Variants in ART3 observed in about 807,000 individuals in gnomAD.
ART3 encodes the protein ADP-ribosyltransferase 3 (inactive), also known as ecto-ADP-ribosyltransferase 3.
In ART3, 49 loss-of-function variants were observed where a neutral mutation model predicts 48.5. The observed-to-expected ratio is 1.01, with a 90% CI of 0.80 to 1.28. The LOEUF (loss-of-function observed/expected upper bound fraction) is 1.28, where lower values mean the gene tolerates loss of function less well. Ranked by LOEUF, ART3 falls within the 50% of genes most tolerant of loss-of-function variation. The pLI is 0.00. For synonymous variants in ART3, 145 were observed against 157.2 expected, an observed-to-expected ratio of 0.92 and a Z score of 0.58; for missense variants, 438 against 454.3, an observed-to-expected ratio of 0.96 and a Z score of 0.33.
At chr4:76,025,474 A>G (rs1017332987) in intron 1 of ART3, among the ~76,000 whole-genome samples, 3 of 152,208 alleles carry the variant, frequency 2.0e-5, no homozygotes, top group Admixed American at 2.0e-4. Context: ...GATTTTTACT[A>G]AACATTGTAT....
intron 3 of ART3, among the ~76,000 whole-genome samples, chr4:76,090,449 T>A (rs1724621163): frequency 6.6e-6 from 1 of 152,234 alleles, no homozygotes. Context: ...GACGTAGCCT[T>A]GTTGCCAGAG....
At chr4:76,065,485 T>C (rs941492015) in intron 1 of ART3, among the ~76,000 whole-genome samples, 1 of 151,342 alleles carries the variant, frequency 6.6e-6, no homozygotes, top group East Asian at 1.9e-4. Flanking sequence ...TTTTTCTCAT[T>C]AATGGTATAA....
At chr4:76,041,402 A>C (rs1175606237) in intron 1 of ART3, 1 of 152,108 alleles carries the variant, frequency 6.6e-6, no homozygotes, top group East Asian at 1.9e-4. Context: ...CCTTCGTTTA[A>C]GTCTTGATGT....
chr4:76,112,272 A>G, intron 11 of ART3, 114 bp from the exon 12 acceptor site: 3 of 1,288,350 alleles, frequency 2.3e-6, no homozygotes, highest in African/African-American at 1.5e-5. Context: ...TATTTCAGGT[A>G]AGTTTCTACT....
intron 1 of ART3, among the ~76,000 whole-genome samples, chr4:76,033,306 T>C (rs1734044175): frequency 6.6e-6 from 1 of 152,232 alleles, no homozygotes; most frequent in South Asian, 2.1e-4. Context: ...AAGACTTTCA[T>C]TGTTTCTCCT....
At chr4:76,022,473 G>A in intron 1 of ART3, 1 of 1,602,342 alleles carries the variant, frequency 6.2e-7, no homozygotes, top group Non-Finnish European at 8.5e-7. Context: ...AATAAATAGG[G>A]ATGAAAATAT....
At chr4:76,111,152 G>A (rs1729400741) in intron 11 of ART3, among the ~76,000 whole-genome samples, 2 of 152,162 alleles carry the variant, frequency 1.3e-5, no homozygotes, top group Admixed American at 1.3e-4. Flanking sequence ...AAAACACCAT[G>A]TGTTGCTAAA....
chr4:76,104,762 A>G, intron 10 of ART3, 133 bp downstream of exon 10: 3 of 1,132,428 alleles, frequency 2.6e-6, no homozygotes, highest in Admixed American at 2.3e-5. Context: ...TCACATGTAC[A>G]TGACAGGAAT....
chr4:76,065,000 T>G (rs1219080458), intron 1 of ART3, among the ~76,000 whole-genome samples: 1 of 151,940 alleles, frequency 6.6e-6, no homozygotes, highest in Non-Finnish European at 1.5e-5. Context: ...CCTGGCTAAT[T>G]TTTGTATTTT....
intron 1 of ART3, among the ~76,000 whole-genome samples, chr4:76,014,717 A>G (rs1732106774): frequency 6.6e-6 from 1 of 152,030 alleles, no homozygotes; most frequent in South Asian, 2.1e-4. Context: ...AACTCCAAGC[A>G]AGTTAAACTC....
upstream of ART3, among the ~76,000 whole-genome samples, chr4:76,072,145 T>C (rs1433377085): frequency 6.6e-6 from 1 of 152,218 alleles, no homozygotes; most frequent in African/African-American, 2.4e-5. Flanking sequence ...GACTCCTGGC[T>C]TCAAGCCATC....
chr4:76,085,367 G>A (rs1258694028), intron 3 of ART3, among the ~76,000 whole-genome samples: 1 of 152,208 alleles, frequency 6.6e-6, no homozygotes, highest in Non-Finnish European at 1.5e-5. Context: ...TCTGGGTAGG[G>A]ACAGATCCAC....
chr4:76,022,916 C>T, intron 1 of ART3: 1 of 1,215,132 alleles, frequency 8.2e-7, no homozygotes, highest in Non-Finnish European at 1.1e-6. Flanking sequence ...ATCCCCATAT[C>T]AGCAAATAGT....
At chr4:76,110,699 C>G (rs1729314616) in intron 11 of ART3, among the ~76,000 whole-genome samples, 1 of 152,086 alleles carries the variant, frequency 6.6e-6, no homozygotes, top group South Asian at 2.1e-4. Context: ...GATATATAGT[C>G]GACCCTTGAA....
intron 1 of ART3, among the ~76,000 whole-genome samples, chr4:76,026,679 G>A (rs1056192424): frequency 7.5e-6 from 1 of 134,010 alleles, no homozygotes; most frequent in Non-Finnish European, 1.6e-5. Context: ...ACCCCTAAAA[G>A]CTTCTTAGTT....
At chr4:76,039,130 C>T (rs185250368) in intron 1 of ART3, among the ~76,000 whole-genome samples, 1 of 140,216 alleles carries the variant, frequency 7.1e-6, no homozygotes, top group Non-Finnish European at 1.5e-5. Flanking sequence ...GATGGAGTCT[C>T]TCTGTGCCAC....
intron 2 of ART3, among the ~76,000 whole-genome samples, chr4:76,080,596 C>T (rs751669383): frequency 4.9e-4 from 74 of 152,208 alleles, no homozygotes; most frequent in Admixed American, 3.7e-3. Context: ...CTGCAACCTC[C>T]GCCTTCTGGT....
intron 1 of ART3, chr4:76,023,274 G>T: frequency 2.1e-6 from 2 of 955,186 alleles, no homozygotes; most frequent in Non-Finnish European, 3.3e-6. Flanking sequence ...TAAGCATGCA[G>T]TGAAACTTTT....
intron 1 of ART3, among the ~76,000 whole-genome samples, chr4:76,026,230 A>G (rs1292459480): frequency 6.6e-6 from 1 of 152,036 alleles, no homozygotes; most frequent in African/African-American, 2.4e-5. Context: ...TTGTCACACA[A>G]TCTGAAGCAG....
Sources: gnomAD v4.1 joint callset for allele counts (sites outside exome capture counted in the v4.1 genomes callset) on GRCh38, gnomAD v4.1.1 for gene constraint, MANE v1.5 for transcripts, NCBI Gene and HGNC (gene_info 2026-07-23, HGNC 2026-07-21) for gene names.